CTNNA3: variants seen among roughly 807,000 people sequenced by gnomAD.
The protein encoded by CTNNA3 is catenin alpha-3.
CTNNA3 carries 76 observed loss-of-function variants against 95.7 expected under a neutral mutation model. That is an observed-to-expected ratio of 0.79 (90% CI 0.66 to 0.96). The LOEUF (loss-of-function observed/expected upper bound fraction) is 0.96, where lower values mean the gene tolerates loss of function less well. Ranked by LOEUF, CTNNA3 falls within the 40% of genes least tolerant of loss-of-function variation. CTNNA3 has a pLI of 0.00. For missense variants in CTNNA3, 1,191 were observed against 1,089.8 expected (o/e 1.09, Z -1.31); for synonymous variants, 431 against 374.4 (o/e 1.15, Z -1.74).
intron 12 of CTNNA3, among the ~76,000 whole-genome samples, chr10:66,378,860 T>C (rs771847610): frequency 2.6e-5 from 4 of 152,188 alleles, no homozygotes; most frequent in Non-Finnish European, 5.9e-5. Context: ...ATCAGCCTAA[T>C]TATATCTCCT....
At chr10:66,791,582 G>C (rs2132880177) in intron 7 of CTNNA3, among the ~76,000 whole-genome samples, 1 of 152,120 alleles carries the variant, frequency 6.6e-6, no homozygotes, top group East Asian at 1.9e-4. Flanking sequence ...CTCATTTTTT[G>C]TAATTAATTG....
At chr10:66,182,201 G>T (rs2086074832) in intron 13 of CTNNA3, among the ~76,000 whole-genome samples, 1 of 151,418 alleles carries the variant, frequency 6.6e-6, no homozygotes. Context: ...TCAAAGTCAT[G>T]AATGATCTCC....
At chr10:67,737,960 C>T (rs1841312392) in intron 1 of CTNNA3, among the ~76,000 whole-genome samples, 1 of 152,206 alleles carries the variant, frequency 6.6e-6, no homozygotes, top group Admixed American at 6.5e-5. Context: ...CCTACAGGCA[C>T]ATGTCAGTAC....
chr10:66,520,866 G>A (rs1174413458), intron 10 of CTNNA3, 93 bp from the exon 11 acceptor site: 2 of 669,490 alleles, frequency 3.0e-6, no homozygotes, highest in Non-Finnish European at 4.9e-6. Context: ...TCACCACTAT[G>A]CAATATATTC....
intron 13 of CTNNA3, among the ~76,000 whole-genome samples, chr10:66,161,984 A>T (rs747801995): frequency 6.6e-6 from 1 of 151,920 alleles, no homozygotes; most frequent in Admixed American, 6.6e-5. Flanking sequence ...TACTTGTTCA[A>T]TTCTATTGAT....
intron 3 of CTNNA3, among the ~76,000 whole-genome samples, chr10:67,603,859 G>T (rs182979117): frequency 1.3e-5 from 2 of 152,278 alleles, no homozygotes; most frequent in Admixed American, 6.5e-5. Flanking sequence ...AAAGTCTACA[G>T]TGATATACAG....
At chr10:67,368,289 A>G (rs1843290523) in intron 5 of CTNNA3, among the ~76,000 whole-genome samples, 1 of 152,178 alleles carries the variant, frequency 6.6e-6, no homozygotes, top group Non-Finnish European at 1.5e-5. Context: ...AAGGAAATAG[A>G]AGTTAAAACC....
intron 5 of CTNNA3, among the ~76,000 whole-genome samples, chr10:67,285,215 G>A (rs1839550911): frequency 6.6e-6 from 1 of 152,146 alleles, no homozygotes; most frequent in Non-Finnish European, 1.5e-5. Flanking sequence ...TTAGAAATTA[G>A]ACATTTAGAA....
intron 9 of CTNNA3, among the ~76,000 whole-genome samples, chr10:66,674,608 T>C (rs1846782829): frequency 6.6e-6 from 1 of 152,076 alleles, no homozygotes; most frequent in Non-Finnish European, 1.5e-5. Flanking sequence ...AATGAGGACA[T>C]CAATTAGAAT....
chr10:66,912,507 G>A (rs886753966), intron 7 of CTNNA3, among the ~76,000 whole-genome samples: 1 of 152,016 alleles, frequency 6.6e-6, no homozygotes, highest in African/African-American at 2.4e-5. Flanking sequence ...TTAAACACCT[G>A]TAAGATATTG....
Position 66,312,671 on chromosome 10 carries a change from C to T in CTNNA3, c.1733-32050G>A, listed in dbSNP as rs148211865. Among the ~76,000 whole-genome samples the T allele has an allele frequency of 3.9e-4, 59 of 152,018 alleles. No individual in the cohort carries two copies. In the East Asian group the frequency reaches 6.6e-3, roughly 17 times the overall value. Reference sequence around the variant, plus strand: ...AAGAGATTCCCCTGCCTCAGCCTCCCGAGTAGCTGGGACTACAGGCATGCA... The same window carrying T: ...AAGAGATTCCCCTGCCTCAGCCTCCTGAGTAGCTGGGACTACAGGCATGCA... On this transcript the variant is annotated intron_variant, in intron 12 of 17. Coordinates refer to ENST00000433211, the MANE Select transcript of CTNNA3 (RefSeq NM_013266.4).
At chr10:66,913,883 T>C (rs978914852) in intron 7 of CTNNA3, among the ~76,000 whole-genome samples, 5 of 152,200 alleles carry the variant, frequency 3.3e-5, no homozygotes, top group African/African-American at 9.7e-5. Flanking sequence ...GCAGTGAGAC[T>C]TGGGACTGAC....
chr10:66,203,773 T>C (rs1589722356), intron 13 of CTNNA3, among the ~76,000 whole-genome samples: 1 of 152,164 alleles, frequency 6.6e-6, no homozygotes, highest in South Asian at 2.1e-4. Context: ...TTTAGCATAA[T>C]TTATTCATTA....
intron 7 of CTNNA3, among the ~76,000 whole-genome samples, chr10:67,088,019 A>C (rs1857405822): frequency 1.3e-5 from 2 of 152,018 alleles, no homozygotes; most frequent in Admixed American, 1.3e-4. Flanking sequence ...ATAATCTAAA[A>C]ACAGACATAT....
chr10:66,924,343 C>T (rs765628616), intron 7 of CTNNA3, among the ~76,000 whole-genome samples: 5 of 152,170 alleles, frequency 3.3e-5, no homozygotes, highest in Non-Finnish European at 7.3e-5. Flanking sequence ...TGTGAAAGCT[C>T]TCCACGGTTT....
At chr10:66,877,831 C>T (rs1011133593) in intron 7 of CTNNA3, among the ~76,000 whole-genome samples, 1 of 151,986 alleles carries the variant, frequency 6.6e-6, no homozygotes, top group African/African-American at 2.4e-5. Flanking sequence ...TATTTTTGTA[C>T]CCAGATCTAA....
intron 7 of CTNNA3, among the ~76,000 whole-genome samples, chr10:67,032,117 G>C (rs1052252115): frequency 1.3e-5 from 2 of 151,948 alleles, no homozygotes; most frequent in Admixed American, 6.6e-5. Context: ...TTCCCACAAG[G>C]TTTGTTTCCA....
intron 7 of CTNNA3, among the ~76,000 whole-genome samples, chr10:67,058,165 A>C (rs1855552430): frequency 6.6e-6 from 1 of 152,148 alleles, no homozygotes; most frequent in African/African-American, 2.4e-5. Flanking sequence ...TAATCTTAGG[A>C]AATTATTTTG....
chr10:66,473,791 T>C (rs1178434068), intron 11 of CTNNA3, among the ~76,000 whole-genome samples: 1 of 152,098 alleles, frequency 6.6e-6, no homozygotes, highest in Non-Finnish European at 1.5e-5. Context: ...TTGTGATAGT[T>C]TGCTGAGAAT....
Sources: allele counts gnomAD v4.1 joint callset (sites outside exome capture counted in the v4.1 genomes callset), GRCh38; gene constraint gnomAD v4.1.1; transcripts MANE v1.5; gene names NCBI Gene and HGNC (gene_info 2026-07-23, HGNC 2026-07-21).